The following USP45 variants were observed in gnomAD, a reference collection of about 807,000 sequenced individuals.
USP45 encodes the protein ubiquitin carboxyl-terminal hydrolase 45.
In USP45, 89 loss-of-function variants were observed where a neutral mutation model predicts 95.8. That is an observed-to-expected ratio of 0.93 (90% CI 0.78 to 1.11). The LOEUF is 1.11. USP45 is among the 50% of genes least tolerant of loss of function. The pLI, the probability that USP45 is intolerant of heterozygous loss-of-function variation, is 0.00. For synonymous variants in USP45, 281 were observed against 316.2 expected (o/e 0.89, Z 1.18); for missense variants, 898 against 942.5 (o/e 0.95, Z 0.62).
At chr6:99,452,096 A>T (rs1005773049) in intron 13 of USP45, among the ~76,000 whole-genome samples, 2 of 152,208 alleles carry the variant, frequency 1.3e-5, no homozygotes, top group Non-Finnish European at 2.9e-5. Context: ...AACCTAGGCA[A>T]TACCATTCAG....
chr6:99,455,308 G>C (rs1409382672), intron 13 of USP45, among the ~76,000 whole-genome samples: 6 of 151,876 alleles, frequency 4.0e-5, no homozygotes, highest in Non-Finnish European at 8.8e-5. Flanking sequence ...AGCTGGGCGT[G>C]GTGGCACATG....
At chr6:99,490,815 T>C (rs942241318) in intron 5 of USP45, among the ~76,000 whole-genome samples, 4 of 151,970 alleles carry the variant, frequency 2.6e-5, no homozygotes, top group Admixed American at 6.6e-5. Context: ...GGAGTGGCCC[T>C]GTTCTAAGGA....
chr6:99,514,112 T>C (rs767606725), intron 1 of USP45, among the ~76,000 whole-genome samples: 9 of 152,216 alleles, frequency 5.9e-5, no homozygotes, highest in Non-Finnish European at 1.2e-4. Flanking sequence ...TTTGATAGGA[T>C]GCACGGGACT....
intron 13 of USP45, chr6:99,460,894 T>G (rs1046816980): frequency 1.0e-6 from 1 of 974,184 alleles, no homozygotes; most frequent in Admixed American, 6.2e-5. Context: ...CAAAAGTGCA[T>G]GAAAAGTAGA....
chr6:99,448,187 C>T (rs978388223), intron 13 of USP45, among the ~76,000 whole-genome samples: 10 of 152,298 alleles, frequency 6.6e-5, no homozygotes, highest in African/African-American at 2.2e-4. Context: ...CAAAGCTGGA[C>T]GGAGAATGAC....
intron 5 of USP45, chr6:99,502,026 C>T (rs1797486811): frequency 7.7e-7 from 1 of 1,294,174 alleles, no homozygotes; most frequent in African/African-American, 1.5e-5. Context: ...GAAAGACCAA[C>T]CATGTGATTA....
upstream of USP45, among the ~76,000 whole-genome samples, chr6:99,516,285 G>A (rs193104155): frequency 4.1e-4 from 63 of 152,326 alleles, no homozygotes; most frequent in Admixed American, 1.5e-3. Flanking sequence ...AGTAAAAGTA[G>A]TTGGTTTGAA....
rs151174267 is a variant in USP45, at chr6:99,504,914, G to C, written c.378-1049C>G. Among the ~76,000 whole-genome samples, 31 of 152,230 alleles carry C rather than the reference G, an allele frequency of 2.0e-4. No homozygotes were observed. The East Asian group carries it at 5.4e-3, about 27-fold the overall frequency. ...CAAATGCCAATAGTATTGAGATTGA[G>C]AAATCCTGGCCTAGACGAAACAAGA... On this transcript the variant is annotated intron_variant, in intron 4 of 17. Coordinates refer to ENST00000500704, the MANE Select transcript of USP45 (RefSeq NM_001346022.3).
chr6:99,493,418 C>A (rs1795628804), intron 5 of USP45, among the ~76,000 whole-genome samples: 1 of 152,206 alleles, frequency 6.6e-6, no homozygotes, highest in Admixed American at 6.5e-5. Context: ...AAGCTGTCAA[C>A]TGAGAGTTTA....
intron 1 of USP45, among the ~76,000 whole-genome samples, chr6:99,513,228 G>A (rs560775801): frequency 2.0e-5 from 3 of 152,050 alleles, no homozygotes; most frequent in Admixed American, 6.6e-5. Flanking sequence ...TCTCCATGTC[G>A]GGAGAAAGTC....
intron 9 of USP45, among the ~76,000 whole-genome samples, chr6:99,469,800 C>T (rs1029120745): frequency 5.1e-4 from 77 of 151,274 alleles, no homozygotes; most frequent in Admixed American, 3.8e-3. Context: ...TTTGTTTGTT[C>T]GTTTTGTAGA....
At chr6:99,459,724 A>G (rs1483785847) in intron 13 of USP45, among the ~76,000 whole-genome samples, 1 of 152,088 alleles carries the variant, frequency 6.6e-6, no homozygotes, top group Non-Finnish European at 1.5e-5. Flanking sequence ...CATTTCCCTA[A>G]TGATTAGTGA....
chr6:99,460,337 A>G (rs1280545269), intron 13 of USP45, among the ~76,000 whole-genome samples: 1 of 152,320 alleles, frequency 6.6e-6, no homozygotes, highest in Middle Eastern at 3.4e-3. Context: ...GTTTAAAAAT[A>G]TAAGAAATGA....
intron 9 of USP45, among the ~76,000 whole-genome samples, chr6:99,473,754 C>G: frequency 1.8e-5 from 1 of 54,856 alleles, no homozygotes; most frequent in East Asian, 7.2e-4. Context: ...GACCCTGTCT[C>G]AAAAAAAAAA....
rs560159435 is a variant in USP45 at position 99,434,777 on chromosome 6, G to T, written c.*939C>A. On this transcript the variant is annotated 3_prime_UTR_variant, in exon 18 of 18. Coordinates refer to ENST00000500704, the MANE Select transcript of USP45 (RefSeq NM_001346022.3). ...TCTCTATCATTTACAAATATAATTT[G>T]GTAATTTATATTTCAAAGCTATCCT... 6.6e-6 allele frequency: 1 copy of T among 152,006 alleles called. No individual in the cohort carries two copies. Among genetic ancestry groups the T allele is most frequent in the East Asian group, 1.9e-4 (1 of 5,198 alleles). 9.4% of individuals were successfully genotyped at this position (152,006 alleles called of 1,614,324 possible).
intron 1 of USP45, chr6:99,515,127 C>G (rs569005021): frequency 3.9e-5 from 6 of 152,512 alleles, no homozygotes; most frequent in African/African-American, 1.4e-4. Context: ...GCGCCCAGGT[C>G]ACCAGGGGAC....
chr6:99,443,445 A>G (rs1264600239), intron 15 of USP45, 120 bp downstream of exon 15: 1 of 579,808 alleles, frequency 1.7e-6, no homozygotes, highest in African/African-American at 1.9e-5. Flanking sequence ...TAAATCTCAC[A>G]TGACACATTT....
At chr6:99,480,559 C>T (rs1329327746) in intron 8 of USP45, among the ~76,000 whole-genome samples, 1 of 151,770 alleles carries the variant, frequency 6.6e-6, no homozygotes, top group African/African-American at 2.4e-5. Flanking sequence ...CCTGTAATCC[C>T]AGGCTGAGGC....
intron 5 of USP45, among the ~76,000 whole-genome samples, chr6:99,503,139 T>C (rs1028391909): frequency 3.3e-5 from 5 of 152,150 alleles, no homozygotes; most frequent in African/African-American, 1.2e-4. Context: ...AGAATTATCA[T>C]CCTAATTTTA....
Sources: gnomAD v4.1 joint callset for allele counts (sites outside exome capture counted in the v4.1 genomes callset) on GRCh38, gnomAD v4.1.1 for gene constraint, MANE v1.5 for transcripts, NCBI Gene and HGNC (gene_info 2026-07-23, HGNC 2026-07-21) for gene names.